Variants in OSMR observed in about 807,000 individuals in gnomAD.
The protein encoded by OSMR is oncostatin-M-specific receptor subunit beta.
In OSMR, 81 loss-of-function variants were observed where a neutral mutation model predicts 99.9. That is an observed-to-expected ratio of 0.81 (90% CI 0.68 to 0.97). The LOEUF is 0.97. Among genes scored for constraint, OSMR ranks in the 50% least tolerant of loss-of-function variants. The probability of loss-of-function intolerance (pLI) is 0.00; values close to 1 mark genes in which losing one functional copy is unlikely to be tolerated. For synonymous variants in OSMR, 406 were observed against 410.4 expected, an observed-to-expected ratio of 0.99 and a Z score of 0.13; for missense variants, 1,099 against 1,153.4, an observed-to-expected ratio of 0.95 and a Z score of 0.68.
intron 1 of OSMR, among the ~76,000 whole-genome samples, chr5:38,862,451 C>T (rs1257288650): frequency 1.3e-5 from 2 of 149,602 alleles, no homozygotes; most frequent in African/African-American, 5.0e-5. Flanking sequence ...GGACGGGTGG[C>T]TGCTGGGCTG....
At chr5:38,932,840 T>G (rs1159380261) in intron 17 of OSMR, 32 bp from the exon 18 acceptor site, 14 of 1,612,798 alleles carry the variant, frequency 8.7e-6, no homozygotes. Flanking sequence ...CACACAAATG[T>G]CTATATTTAC....
intron 9 of OSMR, among the ~76,000 whole-genome samples, chr5:38,913,413 G>T (rs1413738834): frequency 6.6e-6 from 1 of 152,010 alleles, no homozygotes; most frequent in African/African-American, 2.4e-5. Context: ...AGCCAGGCGT[G>T]GTGGTGGCTG....
Position 38,933,030 on chromosome 5 carries a change from A to G in OSMR, c.2526A>G (p.Pro842=). 6.2e-7 allele frequency: 1 copy of G among 1,614,194 alleles called. No homozygotes were observed. The highest frequency in any genetic ancestry group is 8.5e-7 in the Non-Finnish European group (1 of 1,180,014). Reference sequence around the variant, plus strand: ...AGCCTAACTACCTTTATCTCCTTCCAACAGAAAAGAATCACTCTGGCCCTG... The same window carrying G: ...AGCCTAACTACCTTTATCTCCTTCCGACAGAAAAGAATCACTCTGGCCCTG... The part of the protein sequence containing the change: ...LTKPNYLYLL[P]TEKNHSGPGP... Residue 842 remains proline, a synonymous_variant, in exon 18 of 18, where the codon CCA becomes CCG. Transcript: ENST00000274276.
At chr5:38,907,952 C>T (rs535683007) in intron 9 of OSMR, among the ~76,000 whole-genome samples, 2 of 152,134 alleles carry the variant, frequency 1.3e-5, no homozygotes, top group Non-Finnish European at 2.9e-5. Flanking sequence ...GCTTCCATTT[C>T]TGGTGTGAAA....
intron 15 of OSMR, among the ~76,000 whole-genome samples, chr5:38,928,750 C>A (rs1746586281): frequency 6.6e-6 from 1 of 152,098 alleles, no homozygotes; most frequent in Admixed American, 6.6e-5. Context: ...TGAAACATGT[C>A]CCTAGGTTTC....
intron 9 of OSMR, among the ~76,000 whole-genome samples, chr5:38,910,536 A>C (rs563747319): frequency 6.6e-6 from 1 of 152,336 alleles, no homozygotes; most frequent in South Asian, 2.1e-4. Flanking sequence ...GCACAATAAA[A>C]ATAGAAATGA....
chr5:38,921,737 G>T lies in OSMR; in HGVS notation c.1708G>T (p.Gly570Cys). The stretch of plus-strand genomic sequence containing the variant: ...GTGTGACCATACCCAGGATGTGCTC[G>T]GTGATTTCCAGTGGAAGAATGTAGG... ...DWCDHTQDVLGDFQWKNVGPN... is the reference protein window; with the variant it reads ...DWCDHTQDVLCDFQWKNVGPN... Residue 570 changes from glycine to cysteine, a missense_variant, in exon 12 of 18, where the codon GGT becomes TGT. Physicochemically the swap from Gly to Cys is radical, Grantham distance 159. Coordinates refer to ENST00000274276, the MANE Select transcript of OSMR (RefSeq NM_003999.3). 6.2e-7 allele frequency: 1 copy of T among 1,614,036 alleles called. No individual in the cohort carries two copies. Among genetic ancestry groups the T allele is most frequent in the Non-Finnish European group, 8.5e-7 (1 of 1,180,002 alleles).
At chr5:38,898,908 T>C (rs533631776) in intron 7 of OSMR, among the ~76,000 whole-genome samples, 7 of 150,952 alleles carry the variant, frequency 4.6e-5, no homozygotes, top group Non-Finnish European at 8.9e-5. Flanking sequence ...TAACTTTGTC[T>C]CTCTACTTTT....
intron 1 of OSMR, among the ~76,000 whole-genome samples, chr5:38,848,009 T>G (rs933593867): frequency 6.6e-6 from 1 of 152,198 alleles, no homozygotes; most frequent in Non-Finnish European, 1.5e-5. Flanking sequence ...TCTCATGTTT[T>G]TGTAACCCTT....
chr5:38,940,163 A>G (rs1287273563), downstream of OSMR: 1 of 227,752 alleles, frequency 4.4e-6, no homozygotes. Flanking sequence ...AACACAAAAC[A>G]TTCAGGCCAA....
At chr5:38,928,485 C>A (rs968165144) in intron 15 of OSMR, among the ~76,000 whole-genome samples, 1 of 152,152 alleles carries the variant, frequency 6.6e-6, no homozygotes, top group Non-Finnish European at 1.5e-5. Context: ...TGCTTCTTCA[C>A]ATGGCGGCAG....
At chr5:38,847,777 C>T (rs1470726300) in intron 1 of OSMR, among the ~76,000 whole-genome samples, 1 of 152,180 alleles carries the variant, frequency 6.6e-6, no homozygotes, top group Non-Finnish European at 1.5e-5. Context: ...AAATTGCCTC[C>T]TTGTGACTTA....
At chr5:38,898,223 A>C (rs1744648687) in intron 7 of OSMR, among the ~76,000 whole-genome samples, 5 of 152,106 alleles carry the variant, frequency 3.3e-5, no homozygotes, top group Admixed American at 3.3e-4. Context: ...CTGTTGTTGT[A>C]TTAGGGTCCA....
intron 1 of OSMR, among the ~76,000 whole-genome samples, chr5:38,863,901 T>C (rs1561342200): frequency 6.7e-6 from 1 of 149,888 alleles, no homozygotes; most frequent in Non-Finnish European, 1.5e-5. Flanking sequence ...TTGAGCCCTT[T>C]ATTACATATA....
intron 7 of OSMR, 126 bp from the exon 8 acceptor site, chr5:38,903,756 G>T: frequency 6.7e-7 from 1 of 1,495,296 alleles, no homozygotes; most frequent in Non-Finnish European, 8.9e-7. Flanking sequence ...GTTCTTGTTT[G>T]TCATGTTCTC....
At chr5:38,942,253 C>A in intron 1 of OSMR, 1 of 1,135,012 alleles carries the variant, frequency 8.8e-7, no homozygotes, top group Non-Finnish European at 1.3e-6. Flanking sequence ...TTAGGAAATC[C>A]ACAAATATGA....
intron 1 of OSMR, among the ~76,000 whole-genome samples, chr5:38,850,661 A>G (rs1157849275): frequency 6.6e-6 from 1 of 152,228 alleles, no homozygotes; most frequent in Non-Finnish European, 1.5e-5. Context: ...ACTTGGAAAA[A>G]TGTAAGACAA....
intron 15 of OSMR, 146 bp downstream of exon 15, chr5:38,925,517 C>T: frequency 1.3e-6 from 1 of 742,844 alleles, no homozygotes; most frequent in South Asian, 1.5e-5. Flanking sequence ...CTTGATGAAA[C>T]CCTTTTTGTC....
chr5:38,867,040 T>A (rs952890350), intron 1 of OSMR, among the ~76,000 whole-genome samples: 2 of 152,190 alleles, frequency 1.3e-5, no homozygotes, highest in African/African-American at 4.8e-5. Flanking sequence ...AACATGTGAT[T>A]ATCTACTTAC....
Sources: gnomAD v4.1 joint callset for allele counts (sites outside exome capture counted in the v4.1 genomes callset) on GRCh38, gnomAD v4.1.1 for gene constraint, MANE v1.5 for transcripts, NCBI Gene and HGNC (gene_info 2026-07-23, HGNC 2026-07-21) for gene names.